HPRT1: variants seen among roughly 807,000 people sequenced by gnomAD.
HPRT1 encodes hypoxanthine phosphoribosyltransferase 1, also known as hypoxanthine-guanine phosphoribosyltransferase.
A neutral mutation model predicts 19.0 loss-of-function variants in HPRT1; 4 were observed. The ratio of observed to expected loss-of-function variants is 0.21; its 90% CI spans 0.10 to 0.48. The LOEUF (loss-of-function observed/expected upper bound fraction) is 0.48, where lower values mean the gene tolerates loss of function less well. Ranked by LOEUF, HPRT1 falls within the 20% of genes least tolerant of loss-of-function variation. The probability of loss-of-function intolerance (pLI) is 0.98; values close to 1 mark genes in which losing one functional copy is unlikely to be tolerated. For missense variants in HPRT1, 65 were observed against 164.0 expected, an observed-to-expected ratio of 0.40 and a Z score of 3.30; for synonymous variants, 53 against 54.9, an observed-to-expected ratio of 0.97 and a Z score of 0.15.
At chrX:134,474,968 A>G (rs558100274) in intron 2 of HPRT1, among the ~76,000 whole-genome samples, 27 of 110,741 alleles carry the variant, frequency 2.4e-4, no homozygotes, top group East Asian at 8.5e-4. Context: ...TCCAGCCTCA[A>G]CATCCTGCAC....
chrX:134,483,098 G>A (rs1411948110), intron 3 of HPRT1, among the ~76,000 whole-genome samples: 2 of 110,630 alleles, frequency 1.8e-5, no homozygotes, highest in Non-Finnish European at 3.8e-5. Context: ...ATAGTACTAA[G>A]CCACTAAGGG....
chrX:134,467,699 T>A (rs778452110), intron 1 of HPRT1, among the ~76,000 whole-genome samples: 1 of 111,661 alleles, frequency 9.0e-6, no homozygotes, highest in Non-Finnish European at 1.9e-5. Context: ...ATTTATTGAA[T>A]TATACCTATT....
At chrX:134,464,069 AAAATTGT>A (rs923974859) in intron 1 of HPRT1, among the ~76,000 whole-genome samples, 2 of 111,780 alleles carry the variant, frequency 1.8e-5, no homozygotes, top group Non-Finnish European at 3.8e-5. Context: ...AATAAAAGGA[AAAATTGT>A]AATATTGGGT....
At chrX:134,475,750 A>G (rs1024487091) in intron 3 of HPRT1, among the ~76,000 whole-genome samples, 2 of 111,601 alleles carry the variant, frequency 1.8e-5, no homozygotes, top group Non-Finnish European at 3.8e-5. Flanking sequence ...CCTAGAAAGC[A>G]CATGGAGAGC....
Position 134,500,296 on chromosome X carries a change from G to C in HPRT1, c.*219G>C, listed in dbSNP as rs189158218. 6.1e-4 allele frequency: 231 copies of C among 378,321 alleles called. 1 individual carries two copies. The East Asian group carries it at 9.5e-3, about 16-fold the overall frequency. 31.2% of individuals were successfully genotyped at this position (378,321 alleles called of 1,213,427 possible). ...ATAGACTATCAGTTCCCTTTGGGCG[G>C]ATTGTTGTTTAACTTGTAAATGAAA... On this transcript the variant is annotated 3_prime_UTR_variant, in exon 9 of 9. Transcript: ENST00000298556.
At chrX:134,460,805 G>A (rs185857237) in intron 1 of HPRT1, among the ~76,000 whole-genome samples, 114 of 110,660 alleles carry the variant, frequency 1.0e-3, no homozygotes, top group Admixed American at 9.8e-3. Flanking sequence ...GGCGTGTGGG[G>A]ACCAGGTTTT....
chrX:134,495,198 A>G (rs1017813757), intron 6 of HPRT1, among the ~76,000 whole-genome samples: 2 of 35,889 alleles, frequency 5.6e-5, no homozygotes, highest in African/African-American at 1.5e-4. Context: ...CCTGTCTCAG[A>G]AAAAAAAAAA....
intron 4 of HPRT1, among the ~76,000 whole-genome samples, chrX:134,487,055 G>A (rs1181003175): frequency 9.0e-6 from 1 of 110,991 alleles, no homozygotes; most frequent in Non-Finnish European, 1.9e-5. Context: ...GAGTTAAGAG[G>A]ATTAAGTGCT....
At chrX:134,463,851 T>C (rs767300694) in intron 1 of HPRT1, among the ~76,000 whole-genome samples, 10 of 111,872 alleles carry the variant, frequency 8.9e-5, no homozygotes, top group African/African-American at 1.3e-4. Flanking sequence ...ATATCAATAT[T>C]GAGCCTCAAT....
intron 6 of HPRT1, among the ~76,000 whole-genome samples, chrX:134,495,324 C>T (rs771715002): frequency 9.0e-6 from 1 of 111,268 alleles, no homozygotes; most frequent in East Asian, 2.8e-4. Flanking sequence ...AGTTTAGTCT[C>T]GCATTTCACT....
intron 1 of HPRT1, 57 bp downstream of exon 1, chrX:134,460,395 C>G: frequency 2.1e-6 from 2 of 972,186 alleles, no homozygotes; most frequent in Non-Finnish European, 2.6e-6. Flanking sequence ...CAGGTGGCGG[C>G]CGGGCCCTGA....
chrX:134,484,282 G>C (rs1217360282), intron 3 of HPRT1, among the ~76,000 whole-genome samples: 2 of 112,383 alleles, frequency 1.8e-5, no homozygotes, highest in Non-Finnish European at 3.8e-5. Flanking sequence ...TTTGATGTGA[G>C]TCACTGTCAT....
intron 3 of HPRT1, among the ~76,000 whole-genome samples, chrX:134,481,804 G>A (rs2077641316): frequency 9.0e-6 from 1 of 110,968 alleles, no homozygotes; most frequent in Non-Finnish European, 1.9e-5. Flanking sequence ...AGTAGTCAAG[G>A]TTGGTCCCTT....
rs2124280318 is a variant in HPRT1, at chrX:134,460,229, T to C, written c.-83T>C. 2.9e-6 allele frequency: 3 copies of C among 1,024,477 alleles called. No individual in the cohort carries two copies. Among genetic ancestry groups the C allele is most frequent in the Non-Finnish European group, 3.9e-6 (3 of 770,615 alleles). 84.4% of individuals were successfully genotyped at this position (1,024,477 alleles called of 1,213,427 possible). ...CGGCTTTCCCGCGCGGCGCCGCCTC[T>C]TGCTGCGCCTCCGCCTCCTCCTCTG... is the stretch of plus-strand genomic sequence containing the variant. On this transcript the variant is annotated 5_prime_UTR_variant, in exon 1 of 9. Transcript: ENST00000298556.
chrX:134,470,586 G>A (rs995262515), intron 1 of HPRT1, among the ~76,000 whole-genome samples: 14 of 111,264 alleles, frequency 1.3e-4, no homozygotes, highest in African/African-American at 3.3e-4. Flanking sequence ...ATTGGAAACC[G>A]CCAAAGCTTA....
rs1176107011 is a variant in HPRT1, at chrX:134,491,915, GTGTA to G, written c.403-1579_403-1576del. Among the ~76,000 whole-genome samples, 8 of 101,314 alleles carry G rather than the reference GTGTA, an allele frequency of 7.9e-5. No individual in the cohort carries two copies. In the South Asian group the frequency reaches 1.8e-3, roughly 22 times the overall value. 88.0% of individuals were successfully genotyped at this position (101,314 alleles called of 115,157 possible). On this transcript the variant is annotated intron_variant, in intron 5 of 8. Coordinates refer to ENST00000298556, the MANE Select transcript of HPRT1 (RefSeq NM_000194.3). ...CCTGGCTAATTGTGTGTGTGTGTGT[GTGTA>G]TGTATGTATGTATATATGTGTGTGT...
At chrX:134,467,644 T>G (rs944836283) in intron 1 of HPRT1, among the ~76,000 whole-genome samples, 3 of 111,179 alleles carry the variant, frequency 2.7e-5, no homozygotes, top group Non-Finnish European at 5.6e-5. Flanking sequence ...TGGACCTGTT[T>G]GATAGGAAGT....
chrX:134,475,032 T>C (rs1369017004), intron 2 of HPRT1, 149 bp from the exon 3 acceptor site: 4 of 456,598 alleles, frequency 8.8e-6, no homozygotes, highest in African/African-American at 2.5e-5. Flanking sequence ...AGGTACATGC[T>C]ACCATGCCTG....
Position 134,493,501 on chromosome X carries a change from T to C in HPRT1, c.403-7T>C, listed in dbSNP as rs1247461753. 1 of 1,183,727 alleles carries C rather than the reference T, an allele frequency of 8.4e-7. No homozygotes were observed. The highest frequency in any genetic ancestry group is 1.1e-6 in the Non-Finnish European group (1 of 871,365). On this transcript the variant is annotated splice_polypyrimidine_tract_variant and splice_region_variant and intron_variant, in intron 5 of 8. Transcript: ENST00000298556. ...TTAAAGCTATGCAATGTCTTCTTTT[T>C]TGAAAGGATATAATTGACACTGGCA...
Sources: allele counts gnomAD v4.1 joint callset (sites outside exome capture counted in the v4.1 genomes callset), GRCh38; gene constraint gnomAD v4.1.1; transcripts MANE v1.5; gene names NCBI Gene and HGNC (gene_info 2026-07-23, HGNC 2026-07-21).